Variants in SAMD3 observed in about 807,000 individuals in gnomAD.
SAMD3 encodes sterile alpha motif domain-containing protein 3.
A neutral mutation model predicts 58.5 loss-of-function variants in SAMD3; 63 were observed. The observed-to-expected ratio is 1.08, with a 90% confidence interval of 0.88 to 1.33. SAMD3 has a LOEUF of 1.33. SAMD3 is among the 40% of genes most tolerant of loss of function. The pLI is 0.00. For missense variants in SAMD3, 604 were observed against 608.4 expected, an observed-to-expected ratio of 0.99 and a Z score of 0.08; for synonymous variants, 220 against 210.3, an observed-to-expected ratio of 1.05 and a Z score of -0.40.
intron 5 of SAMD3, among the ~76,000 whole-genome samples, chr6:130,195,156 G>A (rs972142404): frequency 1.3e-4 from 20 of 151,944 alleles, no homozygotes; most frequent in African/African-American, 3.1e-4. Context: ...GACTACAGCC[G>A]CATCTCATTG....
intron 2 of SAMD3, among the ~76,000 whole-genome samples, chr6:130,297,150 T>G (rs1775597927): frequency 6.6e-6 from 1 of 152,200 alleles, no homozygotes; most frequent in African/African-American, 2.4e-5. Flanking sequence ...ACAAGCTTTC[T>G]GAGATATCAG....
At chr6:130,185,799 A>C (rs1221377409) in intron 5 of SAMD3, among the ~76,000 whole-genome samples, 1 of 151,558 alleles carries the variant, frequency 6.6e-6, no homozygotes, top group African/African-American at 2.4e-5. Context: ...CCCAGCCAAT[A>C]TTTTTTATTT....
rs1018269412 is a variant in SAMD3 at position 130,145,488 on chromosome 6, G to A, written c.1196-66C>T. On this transcript the variant is annotated intron_variant, in intron 10 of 11. Transcript: ENST00000439090. ...CTTTTAGCAATTGTAAGCTAAGCTA[G>A]TATTGAAACATCTGGATTTTTTGTT... The A allele has an allele frequency of 4.6e-6, 5 of 1,075,394 alleles. No homozygotes were observed. The African/African-American group carries it at 6.3e-5, about 13-fold the overall frequency. The allele number at this position is 1,075,394 out of a possible 1,614,324, so 66.6% of individuals were successfully genotyped here.
chr6:130,205,314 A>G (rs928104688), intron 5 of SAMD3, among the ~76,000 whole-genome samples: 7 of 144,700 alleles, frequency 4.8e-5, no homozygotes, highest in African/African-American at 1.8e-4. Flanking sequence ...ATTTTATTTT[A>G]TTTTTTTGGG....
intron 1 of SAMD3, among the ~76,000 whole-genome samples, chr6:130,222,257 T>A (rs948594100): frequency 1.3e-5 from 2 of 152,136 alleles, no homozygotes; most frequent in Non-Finnish European, 2.9e-5. Context: ...TTAACAGAAA[T>A]GAACACAAAG....
intron 1 of SAMD3, among the ~76,000 whole-genome samples, chr6:130,325,817 A>C (rs1776740119): frequency 6.6e-6 from 1 of 152,140 alleles, no homozygotes; most frequent in Non-Finnish European, 1.5e-5. Context: ...ACTCATCATC[A>C]TCCTCTCCTC....
At chr6:130,321,425 C>T (rs1776581069) in intron 1 of SAMD3, among the ~76,000 whole-genome samples, 1 of 152,144 alleles carries the variant, frequency 6.6e-6, no homozygotes, top group Non-Finnish European at 1.5e-5. Context: ...CACAGGCACC[C>T]AGTTCATCTG....
intron 1 of SAMD3, among the ~76,000 whole-genome samples, chr6:130,358,974 T>G (rs1777911554): frequency 6.6e-6 from 1 of 152,156 alleles, no homozygotes; most frequent in Admixed American, 6.5e-5. Context: ...CTATCACAGT[T>G]GTTGAGAGCA....
intron 1 of SAMD3, among the ~76,000 whole-genome samples, chr6:130,336,448 G>A (rs978840767): frequency 6.6e-6 from 1 of 152,180 alleles, no homozygotes; most frequent in Admixed American, 6.5e-5. Flanking sequence ...AAAAGGAAGA[G>A]AATTTACTAC....
intron 5 of SAMD3, among the ~76,000 whole-genome samples, chr6:130,199,998 G>C (rs1220258598): frequency 1.3e-5 from 2 of 152,074 alleles, no homozygotes; most frequent in Non-Finnish European, 2.9e-5. Flanking sequence ...ACCATGTCTT[G>C]GCAAAGATAG....
chr6:130,354,936 G>C (rs563394368), intron 1 of SAMD3, among the ~76,000 whole-genome samples: 5 of 152,222 alleles, frequency 3.3e-5, no homozygotes, highest in Non-Finnish European at 7.4e-5. Flanking sequence ...AAAAAAAAAG[G>C]ATATGGCATT....
chr6:130,175,857 T>G lies in SAMD3; in HGVS notation c.806A>C (p.Lys269Thr), dbSNP rs1354716656. 13 of 1,611,734 alleles carry G rather than the reference T, an allele frequency of 8.1e-6. No individual in the cohort carries two copies. The highest frequency in any genetic ancestry group is 1.1e-5 in the Non-Finnish European group (13 of 1,178,468). ...CAATCTTACTTTTATCTGGACAAGT[T>G]TAATTTCATCAAATCTTATATCAGC... ...SLADIRFDEIKLVQIKEEAVC... is the reference protein window; with the variant it reads ...SLADIRFDEITLVQIKEEAVC... Residue 269 changes from lysine (K) to threonine (T), a missense_variant, in exon 8 of 12, where the codon AAA (lysine) becomes ACA (threonine). By Grantham distance (78) the Lys-to-Thr change is moderately conservative. Transcript: ENST00000439090.
At position 130,342,627 on chromosome 6, in the gene SAMD3, C is replaced by T. The variant is rs79756776; in HGVS notation, c.-304+22493G>A. ...GCTTTCATAATACCAGGAATAAACACCTCTTTTTCTTTAATTATAACTAAA... is the reference window on the plus strand; with the variant it reads ...GCTTTCATAATACCAGGAATAAACATCTCTTTTTCTTTAATTATAACTAAA... On this transcript the variant is annotated intron_variant, in intron 1 of 13. Coordinates refer to the SAMD3 transcript ENST00000368134. 3.5e-3 allele frequency among the ~76,000 whole-genome samples: 532 copies of T among 152,136 alleles called. 5 individuals are homozygous for T. Among genetic ancestry groups the T allele is most frequent in the African/African-American group, 0.012 (512 of 41,520 alleles).
intron 1 of SAMD3, among the ~76,000 whole-genome samples, chr6:130,344,028 GT>G (rs1777364173): frequency 6.6e-6 from 1 of 151,780 alleles, no homozygotes; most frequent in Non-Finnish European, 1.5e-5. Flanking sequence ...CCATAAGAGA[GT>G]GGCCCACTGG....
At position 130,182,527 on chromosome 6, in the gene SAMD3, G is replaced by A. The variant is rs543544562; in HGVS notation, c.654+1576C>T. Among the ~76,000 whole-genome samples, 583 of 149,498 alleles carry A rather than the reference G, an allele frequency of 3.9e-3. 3 individuals are homozygous for A. The highest frequency in any genetic ancestry group is 0.013 in the African/African-American group (547 of 40,774). On this transcript the variant is annotated intron_variant, in intron 7 of 11. Transcript: ENST00000439090. ...TTTCTTGAAAATACAAAAAAAGAAG[G>A]AAGAAAGGAAGGAAGGAAAGAAGGA...
intron 8 of SAMD3, among the ~76,000 whole-genome samples, chr6:130,157,079 A>T (rs1253158743): frequency 8.2e-5 from 3 of 36,554 alleles, no homozygotes; most frequent in Admixed American, 6.0e-4. Flanking sequence ...CAAAAAATAA[A>T]TAAATAAATA....
At chr6:130,193,376 T>G (rs982949616) in intron 5 of SAMD3, among the ~76,000 whole-genome samples, 1 of 151,898 alleles carries the variant, frequency 6.6e-6, no homozygotes, top group Admixed American at 6.6e-5. Context: ...ACCTCTTACA[T>G]CTCTGCACCC....
intron 1 of SAMD3, among the ~76,000 whole-genome samples, chr6:130,314,459 A>T (rs1776290877): frequency 6.6e-6 from 1 of 152,162 alleles, no homozygotes; most frequent in African/African-American, 2.4e-5. Context: ...TTACCCACAA[A>T]ATCAAAGGCA....
At chr6:130,287,629 T>G (rs1013037227) in intron 2 of SAMD3, among the ~76,000 whole-genome samples, 2 of 152,124 alleles carry the variant, frequency 1.3e-5, no homozygotes, top group African/African-American at 4.8e-5. Context: ...GAAGAGATCC[T>G]CTAGAAGGAT....
Sources: gnomAD v4.1 joint callset for allele counts (sites outside exome capture counted in the v4.1 genomes callset) on GRCh38, gnomAD v4.1.1 for gene constraint, MANE v1.5 for transcripts, NCBI Gene and HGNC (gene_info 2026-07-23, HGNC 2026-07-21) for gene names.